TANC1: variants seen among roughly 807,000 people sequenced by gnomAD.
The protein encoded by TANC1 is tetratricopeptide repeat, ankyrin repeat and coiled-coil containing 1.
Under a neutral mutation model 149.7 loss-of-function variants are expected in TANC1, and 77 were observed. The observed-to-expected ratio is 0.51, with a 90% CI of 0.43 to 0.62. The LOEUF is 0.62. Ranked by LOEUF, TANC1 falls within the 20% of genes least tolerant of loss-of-function variation. The pLI is 0.00. For missense variants in TANC1, 1,985 were observed against 2,321.8 expected, an observed-to-expected ratio of 0.85 and a Z score of 2.98; for synonymous variants, 854 against 925.0, an observed-to-expected ratio of 0.92 and a Z score of 1.39.
At chr2:159,100,688 C>T (rs558434899) in intron 4 of TANC1, among the ~76,000 whole-genome samples, 3 of 152,210 alleles carry the variant, frequency 2.0e-5, no homozygotes, top group East Asian at 3.9e-4. Context: ...GGTAATTTGG[C>T]TTCATTATCT....
chr2:159,143,007 G>A (rs1471551550), intron 5 of TANC1, among the ~76,000 whole-genome samples: 1 of 145,484 alleles, frequency 6.9e-6, no homozygotes, highest in African/African-American at 2.5e-5. Flanking sequence ...TGGTTGCTGT[G>A]AGCCAAGATT....
At chr2:159,222,548 G>A (rs1283323544) in intron 22 of TANC1, among the ~76,000 whole-genome samples, 6 of 152,176 alleles carry the variant, frequency 3.9e-5, no homozygotes, top group African/African-American at 1.4e-4. Context: ...CCATGTTGTA[G>A]CGTGTGTTAG....
chr2:159,217,173 G>T (rs535508050), intron 19 of TANC1, among the ~76,000 whole-genome samples: 1 of 152,278 alleles, frequency 6.6e-6, no homozygotes, highest in East Asian at 1.9e-4. Flanking sequence ...GGAACTGGCA[G>T]CCATGCCCAG....
intron 2 of TANC1, among the ~76,000 whole-genome samples, chr2:159,058,391 C>CT (rs2042003646): frequency 6.6e-6 from 1 of 152,168 alleles, no homozygotes; most frequent in Non-Finnish European, 1.5e-5. Context: ...TTAGTCCAAA[C>CT]TCCTTGTTGG....
intron 8 of TANC1, among the ~76,000 whole-genome samples, chr2:159,166,195 T>A (rs1445117966): frequency 6.6e-6 from 1 of 152,198 alleles, no homozygotes; most frequent in Non-Finnish European, 1.5e-5. Context: ...GTTCTATTTT[T>A]TACCTTTCAA....
chr2:159,088,518 T>G (rs1351175651), intron 3 of TANC1, among the ~76,000 whole-genome samples: 1 of 152,192 alleles, frequency 6.6e-6, no homozygotes, highest in Non-Finnish European at 1.5e-5. Flanking sequence ...TTTTCTTTCC[T>G]TATCTTTAAT....
At chr2:158,998,716 G>A (rs1013362136) in intron 1 of TANC1, among the ~76,000 whole-genome samples, 2 of 152,190 alleles carry the variant, frequency 1.3e-5, no homozygotes, top group Admixed American at 6.5e-5. Flanking sequence ...CTGGCACAAG[G>A]GCGGCTTTAA....
intron 2 of TANC1, among the ~76,000 whole-genome samples, chr2:159,057,242 T>C (rs940316257): frequency 6.6e-6 from 1 of 152,232 alleles, no homozygotes; most frequent in East Asian, 1.9e-4. Flanking sequence ...CTTACTTGCC[T>C]TCCTCTCATC....
At chr2:159,038,064 C>T (rs925564300) in intron 2 of TANC1, among the ~76,000 whole-genome samples, 1 of 152,152 alleles carries the variant, frequency 6.6e-6, no homozygotes. Context: ...TTGAAGAAGT[C>T]CTTCACATCC....
At chr2:159,167,410 G>A (rs73967203) in intron 8 of TANC1, among the ~76,000 whole-genome samples, 3,587 of 152,266 alleles carry the variant, frequency 0.024, 142 homozygotes, top group African/African-American at 0.081. Context: ...TTAGCCCTCC[G>A]GGAGATTTTA....
chr2:159,194,024 C>A (rs868638077), intron 16 of TANC1, among the ~76,000 whole-genome samples: 1 of 151,850 alleles, frequency 6.6e-6, no homozygotes, highest in Middle Eastern at 3.4e-3. Context: ...GGCAGTAGTT[C>A]TATTTTTAAT....
chr2:159,164,767 G>A (rs1347013770), intron 8 of TANC1, among the ~76,000 whole-genome samples: 1 of 152,164 alleles, frequency 6.6e-6, no homozygotes, highest in Admixed American at 6.5e-5. Flanking sequence ...TTTTACAATG[G>A]GACTCTGAAG....
At chr2:159,118,428 G>A (rs982481667) in intron 4 of TANC1, among the ~76,000 whole-genome samples, 2 of 152,124 alleles carry the variant, frequency 1.3e-5, no homozygotes, top group Non-Finnish European at 2.9e-5. Flanking sequence ...ATTTTCATCA[G>A]TATGGATTCC....
chr2:159,206,298 G>T (rs1575252506), intron 19 of TANC1, among the ~76,000 whole-genome samples: 1 of 152,162 alleles, frequency 6.6e-6, no homozygotes, highest in Non-Finnish European at 1.5e-5. Flanking sequence ...AACAGTGGAG[G>T]CAGATAGGGG....
intron 19 of TANC1, among the ~76,000 whole-genome samples, chr2:159,213,105 C>G (rs1234242551): frequency 6.6e-6 from 1 of 152,006 alleles, no homozygotes; most frequent in Non-Finnish European, 1.5e-5. Flanking sequence ...GGAAGACACC[C>G]ATGAATTTTG....
intron 2 of TANC1, among the ~76,000 whole-genome samples, chr2:159,058,930 A>G (rs919535213): frequency 6.6e-6 from 1 of 152,176 alleles, no homozygotes; most frequent in Non-Finnish European, 1.5e-5. Flanking sequence ...AATAGTTTCC[A>G]CTTAATTTTG....
At chr2:159,152,627 C>A (rs1300268387) in intron 7 of TANC1, among the ~76,000 whole-genome samples, 1 of 152,058 alleles carries the variant, frequency 6.6e-6, no homozygotes, top group Non-Finnish European at 1.5e-5. Context: ...GTAGTTGGGA[C>A]TACAGGCATG....
chr2:159,170,432 G>C (rs531166839), intron 9 of TANC1, 92 bp from the exon 10 acceptor site: 51 of 1,211,330 alleles, frequency 4.2e-5, no homozygotes, highest in African/African-American at 6.2e-5. Flanking sequence ...GTAAAGCTAA[G>C]GATTTAGTGT....
chr2:159,116,454 C>CAACAACAA (rs1553559680), intron 4 of TANC1, among the ~76,000 whole-genome samples: 4 of 140,410 alleles, frequency 2.8e-5, no homozygotes, highest in Non-Finnish European at 4.7e-5. Context: ...ACAACAACAA[C>CAACAACAA]AAAAAAAAAA....
Sources: gnomAD v4.1 joint callset for allele counts (sites outside exome capture counted in the v4.1 genomes callset) on GRCh38, gnomAD v4.1.1 for gene constraint, MANE v1.5 for transcripts, NCBI Gene and HGNC (gene_info 2026-07-23, HGNC 2026-07-21) for gene names.